Variants in ATP1A3 observed in about 807,000 individuals in gnomAD.
ATP1A3 encodes the protein ATPase Na+/K+ transporting subunit alpha 3.
ATP1A3 carries 12 observed loss-of-function variants against 108.8 expected under a neutral mutation model. The observed-to-expected ratio is 0.11, with a 90% CI of 0.07 to 0.18. ATP1A3 has a LOEUF of 0.18. Ranked by LOEUF, ATP1A3 falls within the 10% of genes least tolerant of loss-of-function variation. The pLI is 1.00. For synonymous variants in ATP1A3, 539 were observed against 564.5 expected (o/e 0.95, Z 0.64); for missense variants, 498 against 1,387.7 (o/e 0.36, Z 10.19).
rs1555866078 is a variant in ATP1A3 at position 41,988,112 on chromosome 19, T to G, written c.181A>C (p.Ile61Leu). 1 of 1,613,964 alleles carries G rather than the reference T, an allele frequency of 6.2e-7. No homozygotes were observed. The highest frequency in any genetic ancestry group is 1.1e-5 in the South Asian group (1 of 91,062). ...QGLTHSKAQEILARDGPNALT... is the reference protein window; with the variant it reads ...QGLTHSKAQELLARDGPNALT... ...GCGTTAGGCCCATCCCGGGCCAGGA[T>G]CTCCTGGGCTTTGCTGTGGGTCAAA... Residue 61 changes from isoleucine to leucine, a missense_variant, in exon 4 of 23, where the codon ATC becomes CTC. Physicochemically the swap from Ile to Leu is conservative, Grantham distance 5. Coordinates refer to ENST00000648268, the MANE Select transcript of ATP1A3 (RefSeq NM_152296.5). The surrounding 1 kb of genome is among the most constrained non-coding windows in gnomAD (Gnocchi z 5.3).
chr19:41,990,121 A>G (rs2075322912), intron 1 of ATP1A3, among the ~76,000 whole-genome samples: 1 of 150,674 alleles, frequency 6.6e-6, no homozygotes, highest in Non-Finnish European at 1.5e-5. Flanking sequence ...TTGTGTCTCT[A>G]TCTTCATCTC....
intron 19 of ATP1A3, 94 bp downstream of exon 19, chr19:41,969,341 A>G: frequency 1.3e-6 from 2 of 1,590,776 alleles, no homozygotes; most frequent in Non-Finnish European, 8.6e-7. Context: ...TGGGAGACTG[A>G]GGGGGCCATC....
chr19:41,993,390 C>A (rs1427034506), intron 1 of ATP1A3: 10 of 1,535,706 alleles, frequency 6.5e-6, no homozygotes, highest in African/African-American at 1.4e-5. Flanking sequence ...TCAGTCTCCC[C>A]ACCGTGGCTC....
At chr19:41,973,348 C>G (rs2075133412) in intron 16 of ATP1A3, among the ~76,000 whole-genome samples, 1 of 152,204 alleles carries the variant, frequency 6.6e-6, no homozygotes, top group South Asian at 2.1e-4. Flanking sequence ...CTCGACCACC[C>G]AGGCTCAAGT....
chr19:41,993,975 C>G, intron 1 of ATP1A3, 96 bp downstream of exon 1: 1 of 1,570,976 alleles, frequency 6.4e-7, no homozygotes. Context: ...GGCCCCGGAG[C>G]GCAGGGGTCC....
intron 18 of ATP1A3, 120 bp from the exon 19 acceptor site, chr19:41,969,700 T>G (rs2075081616): frequency 1.4e-6 from 2 of 1,383,168 alleles, no homozygotes; most frequent in Non-Finnish European, 2.0e-6. Context: ...CTGGCCCTGT[T>G]ATCTGGACAT....
chr19:41,993,724 C>A, intron 1 of ATP1A3: 1 of 601,228 alleles, frequency 1.7e-6, no homozygotes, highest in Non-Finnish European at 2.9e-6. Flanking sequence ...CTTTCAGACA[C>A]CACGGGGCCC....
At chr19:41,986,916 T>A (rs2075292556) in intron 4 of ATP1A3, among the ~76,000 whole-genome samples, 1 of 152,020 alleles carries the variant, frequency 6.6e-6, no homozygotes, top group Non-Finnish European at 1.5e-5. Flanking sequence ...CTATGTTTTG[T>A]GTTTTTTTAG....
chr19:41,988,311 G>T lies in ATP1A3; in HGVS notation c.153+7C>A. The T allele has an allele frequency of 1.2e-6, 2 of 1,614,048 alleles. No homozygotes were observed. The highest frequency in any genetic ancestry group is 1.7e-6 in the Non-Finnish European group (2 of 1,179,954). On this transcript the variant is annotated splice_region_variant and intron_variant, in intron 3 of 22. Transcript: ENST00000648268. The surrounding 1 kb of genome is among the most constrained non-coding windows in gnomAD (Gnocchi z 5.3). ...TCCCAGGGTCCCAGCCCACAGCCTG[G>T]CCACACCTGCACACAGTCTGTGTTG...
intron 17 of ATP1A3, 32 bp from the exon 18 acceptor site, chr19:41,970,340 G>A: frequency 6.2e-7 from 1 of 1,613,874 alleles, no homozygotes; most frequent in Non-Finnish European, 8.5e-7. Flanking sequence ...AGCCGGAGAG[G>A]GGAGGACTCC....
At chr19:41,992,968 C>T (rs551800669) in intron 1 of ATP1A3, 286 of 192,450 alleles carry the variant, frequency 1.5e-3, no homozygotes, top group Admixed American at 4.5e-3. Context: ...CTTCTCTCCC[C>T]TAGTCCTGCC....
chr19:41,986,259 G>T, intron 4 of ATP1A3, 30 bp from the exon 5 acceptor site: 1 of 1,606,768 alleles, frequency 6.2e-7, no homozygotes. Flanking sequence ...TGTTGATCAG[G>T]GGCCGCCCAA....
At chr19:41,977,728 T>C (rs1382399155) in intron 14 of ATP1A3, among the ~76,000 whole-genome samples, 4 of 151,898 alleles carry the variant, frequency 2.6e-5, no homozygotes, top group African/African-American at 9.7e-5. Flanking sequence ...TAAAATAAAA[T>C]AAAGGCTGGG....
intron 1 of ATP1A3, chr19:41,993,694 C>T: frequency 3.3e-6 from 2 of 606,224 alleles, no homozygotes; most frequent in South Asian, 2.0e-5. Context: ...CTCACAGACA[C>T]ACCCAGACGC....
chr19:41,977,781 C>T (rs112959904), intron 14 of ATP1A3, among the ~76,000 whole-genome samples, 155 bp downstream of exon 14: 7 of 152,198 alleles, frequency 4.6e-5, no homozygotes, highest in African/African-American at 1.7e-4. Flanking sequence ...GCAATGTCCC[C>T]ACACCGGAGG....
At chr19:41,979,258 C>T (rs1443849446) in intron 11 of ATP1A3, among the ~76,000 whole-genome samples, 2 of 151,694 alleles carry the variant, frequency 1.3e-5, no homozygotes, top group African/African-American at 2.4e-5. Context: ...CCTCATCGGC[C>T]TCTCAAAGTG....
chr19:41,975,929 C>A (rs971516286), intron 15 of ATP1A3, 132 bp from the exon 16 acceptor site: 24 of 1,264,924 alleles, frequency 1.9e-5, no homozygotes, highest in Admixed American at 9.2e-5. Flanking sequence ...CCTCCTCTTC[C>A]CCTCAGACCT....
In ATP1A3 at chr19:41,968,738, G is replaced by A. The variant is rs782727120; in HGVS notation, c.2819+47C>T. ...GAAGTACACAGACAGACAGACACTC[G>A]GACAGGACAGATGGCTGTCCAGTCA... is the stretch of plus-strand genomic sequence containing the variant. On this transcript the variant is annotated intron_variant, in intron 20 of 22. Coordinates refer to ENST00000648268, the MANE Select transcript of ATP1A3 (RefSeq NM_152296.5). This position sits in a 1 kb window ranked among gnomAD's most constrained non-coding sequence, Gnocchi z 5.0. 36 of 1,611,624 alleles carry A rather than the reference G, an allele frequency of 2.2e-5. No individual in the cohort carries two copies. The highest frequency in any genetic ancestry group is 1.7e-4 in the Middle Eastern group (1 of 6,048).
rs1488973191 is a variant in ATP1A3 at position 41,968,402 on chromosome 19, G to C, written c.2819+383C>G. Among the ~76,000 whole-genome samples the C allele has an allele frequency of 2.0e-5, 3 of 152,106 alleles. No homozygotes were observed. The highest frequency in any genetic ancestry group is 2.9e-5 in the Non-Finnish European group (2 of 68,002). ...TGCGTACCTGTAATCCCAGCTACTT[G>C]GGAGGCTGAGGCATGAGAATCGCTT... On this transcript the variant is annotated intron_variant, in intron 20 of 22. Coordinates refer to ENST00000648268, the MANE Select transcript of ATP1A3 (RefSeq NM_152296.5). This position sits in a 1 kb window ranked among gnomAD's most constrained non-coding sequence, Gnocchi z 5.0.
Sources: gnomAD v4.1 joint callset for allele counts (sites outside exome capture counted in the v4.1 genomes callset) on GRCh38, gnomAD v4.1.1 for gene constraint, Gnocchi (gnomAD v3.1) non-coding constraint, MANE v1.5 for transcripts, NCBI Gene and HGNC (gene_info 2026-07-23, HGNC 2026-07-21) for gene names.